The following RALYL variants were observed in gnomAD, a reference collection of about 807,000 sequenced individuals.
RALYL encodes RALY RNA binding protein like, also known as RNA-binding Raly-like protein.
A neutral mutation model predicts 35.1 loss-of-function variants in RALYL; 29 were observed. The observed-to-expected ratio is 0.83, with a 90% CI of 0.61 to 1.13. RALYL has a LOEUF of 1.13. Among genes scored for constraint, RALYL ranks in the 50% most tolerant of loss-of-function variants. The pLI, the probability that RALYL is intolerant of heterozygous loss-of-function variation, is 0.00. For synonymous variants in RALYL, 120 were observed against 127.6 expected (o/e 0.94, Z 0.40); for missense variants, 359 against 360.4 (o/e 1.00, Z 0.03).
intron 2 of RALYL, among the ~76,000 whole-genome samples, chr8:84,615,687 T>G (rs865932584): frequency 2.0e-4 from 27 of 137,800 alleles, no homozygotes; most frequent in Non-Finnish European, 3.2e-4. Context: ...GCTGGTGCGC[T>G]GCACCCACTA....
At chr8:84,541,715 T>C (rs1323850752) in intron 2 of RALYL, among the ~76,000 whole-genome samples, 1 of 152,084 alleles carries the variant, frequency 6.6e-6, no homozygotes, top group African/African-American at 2.4e-5. Flanking sequence ...CTTTATTTTG[T>C]TTTATATATT....
intron 1 of RALYL, among the ~76,000 whole-genome samples, chr8:84,428,100 T>TCA (rs1307984367): frequency 5.8e-4 from 78 of 134,870 alleles, no homozygotes; most frequent in Middle Eastern, 4.0e-3. Flanking sequence ...TCTCTCTCTC[T>TCA]CTCTCTCACA....
At chr8:84,569,578 C>G (rs1807409613) in intron 2 of RALYL, among the ~76,000 whole-genome samples, 1 of 151,866 alleles carries the variant, frequency 6.6e-6, no homozygotes, top group Non-Finnish European at 1.5e-5. Context: ...TGTGCAGACA[C>G]TTTCCAGTTT....
chr8:84,466,664 A>T (rs1305214886), intron 1 of RALYL, among the ~76,000 whole-genome samples: 4 of 151,446 alleles, frequency 2.6e-5, no homozygotes, highest in Non-Finnish European at 4.4e-5. Flanking sequence ...TCATAAAATG[A>T]GTTAGGGAGG....
At chr8:84,393,290 C>T (rs1861110933) in intron 1 of RALYL, among the ~76,000 whole-genome samples, 1 of 152,074 alleles carries the variant, frequency 6.6e-6, no homozygotes, top group Non-Finnish European at 1.5e-5. Flanking sequence ...TTCAGTACTT[C>T]AAGTGCTGTT....
intron 8 of RALYL, among the ~76,000 whole-genome samples, chr8:84,910,576 T>A (rs1847336833): frequency 6.6e-6 from 1 of 151,926 alleles, no homozygotes; most frequent in Admixed American, 6.6e-5. Flanking sequence ...AAAGTAAAAA[T>A]ATATATAAGA....
At chr8:84,460,241 C>T (rs1017879405) in intron 1 of RALYL, among the ~76,000 whole-genome samples, 8 of 151,632 alleles carry the variant, frequency 5.3e-5, no homozygotes, top group Admixed American at 2.6e-4. Context: ...TTGTGGAAGT[C>T]TAAATGGGTA....
At chr8:84,869,938 A>G (rs995762035) in intron 6 of RALYL, among the ~76,000 whole-genome samples, 4 of 152,160 alleles carry the variant, frequency 2.6e-5, no homozygotes, top group Non-Finnish European at 5.9e-5. Flanking sequence ...CTGTATCAGA[A>G]TGTAATAACA....
intron 1 of RALYL, among the ~76,000 whole-genome samples, chr8:84,383,588 ATGGGTC>A (rs1386242817): frequency 6.6e-6 from 1 of 151,632 alleles, no homozygotes; most frequent in Non-Finnish European, 1.5e-5. Flanking sequence ...TAAAAAAAAT[ATGGGTC>A]TAATGAATGA....
chr8:84,360,962 GAA>G (rs61694143), intron 1 of RALYL, among the ~76,000 whole-genome samples: 7,002 of 98,324 alleles, frequency 0.071, 206 homozygotes, highest in African/African-American at 0.11. Context: ...ATGCAGTAAA[GAA>G]AAAAAAAAAA....
At chr8:84,827,841 G>A (rs1171078305) in intron 4 of RALYL, among the ~76,000 whole-genome samples, 3 of 152,008 alleles carry the variant, frequency 2.0e-5, no homozygotes, top group African/African-American at 7.2e-5. Flanking sequence ...TACGTTAGAT[G>A]TCCTGCAATA....
At chr8:84,860,999 T>C (rs1837990742) in intron 5 of RALYL, among the ~76,000 whole-genome samples, 1 of 152,218 alleles carries the variant, frequency 6.6e-6, no homozygotes, top group Admixed American at 6.5e-5. Context: ...TAAAAATAGA[T>C]GATCACATTT....
At chr8:84,796,141 G>C (rs751932288) in intron 3 of RALYL, among the ~76,000 whole-genome samples, 1 of 152,108 alleles carries the variant, frequency 6.6e-6, no homozygotes, top group Non-Finnish European at 1.5e-5. Flanking sequence ...ACTTCTTTGC[G>C]CAGATGGAGG....
At chr8:84,876,389 G>GTAGATTA (rs1202373350) in intron 7 of RALYL, among the ~76,000 whole-genome samples, 8 of 152,186 alleles carry the variant, frequency 5.3e-5, no homozygotes, top group African/African-American at 1.9e-4. Flanking sequence ...TAGTGACTAT[G>GTAGATTA]TAGATTATAG....
intron 2 of RALYL, among the ~76,000 whole-genome samples, chr8:84,690,211 A>C (rs1461066108): frequency 6.6e-6 from 1 of 152,162 alleles, no homozygotes; most frequent in East Asian, 1.9e-4. Flanking sequence ...AAAATGGAGG[A>C]AATCTTGTCT....
In RALYL at chr8:84,813,197, G is replaced by C. The variant is rs116120314; in HGVS notation, c.365+8395G>C. ...AAACAGACCTTCAGTTTCTCCAGTC[G>C]GGGGTGTGTGTTTGGGAGAGGAGGA... On this transcript the variant is annotated intron_variant, in intron 4 of 8. Coordinates refer to ENST00000521268, the MANE Select transcript of RALYL (RefSeq NM_173848.7). 3.5e-3 allele frequency among the ~76,000 whole-genome samples: 528 copies of C among 152,272 alleles called. 4 individuals are homozygous for C. Among genetic ancestry groups the C allele is most frequent in the African/African-American group, 0.012 (496 of 41,534 alleles).
In RALYL at chr8:84,464,131, G is replaced by GT. The variant is rs200511337; in HGVS notation, c.-23-65158dup. Among the ~76,000 whole-genome samples, 769 of 132,526 alleles carry GT rather than the reference G, an allele frequency of 5.8e-3. 3 individuals are homozygous for GT. The highest frequency in any genetic ancestry group is 8.7e-3 in the Middle Eastern group (2 of 230). The allele number at this position is 132,526 out of a possible 152,430, so 86.9% of individuals were successfully genotyped here. ...TCATTATTTAAAAACATTAAAACAA[G>GT]TTTTTTTTTTGTTTTTTTTTTTATT... On this transcript the variant is annotated intron_variant, in intron 1 of 8. Transcript: ENST00000521268.
At chr8:84,541,303 A>G (rs2060004533) in intron 2 of RALYL, among the ~76,000 whole-genome samples, 1 of 152,006 alleles carries the variant, frequency 6.6e-6, no homozygotes, top group Non-Finnish European at 1.5e-5. Context: ...ATATTTTCAG[A>G]ATCATTTAGT....
chr8:84,272,800 G>T (rs1356127845), intron 1 of RALYL, among the ~76,000 whole-genome samples: 2 of 152,034 alleles, frequency 1.3e-5, no homozygotes, highest in Non-Finnish European at 2.9e-5. Context: ...TCACAACTAG[G>T]GCAGTTAATT....
Sources: allele counts gnomAD v4.1 joint callset (sites outside exome capture counted in the v4.1 genomes callset), GRCh38; gene constraint gnomAD v4.1.1; transcripts MANE v1.5; gene names NCBI Gene and HGNC (gene_info 2026-07-23, HGNC 2026-07-21).